CLIC5: variants seen among roughly 807,000 people sequenced by gnomAD.
CLIC5 encodes CLIC family member 5.
Under a neutral mutation model 24.7 loss-of-function variants are expected in CLIC5, and 20 were observed. That is an observed-to-expected ratio of 0.81 (90% CI 0.57 to 1.18). The LOEUF (loss-of-function observed/expected upper bound fraction) is 1.18, where lower values mean the gene tolerates loss of function less well. Ranked by LOEUF, CLIC5 falls within the 50% of genes most tolerant of loss-of-function variation. The pLI is 0.00. For synonymous variants in CLIC5, 159 were observed against 135.6 expected (o/e 1.17, Z -1.20); for missense variants, 341 against 326.1 (o/e 1.05, Z -0.35).
intron 6 of CLIC5, among the ~76,000 whole-genome samples, chr6:45,890,001 A>T (rs1292586838): frequency 6.6e-6 from 1 of 152,198 alleles, no homozygotes; most frequent in African/African-American, 2.4e-5. Flanking sequence ...GCTCTCCAAG[A>T]CACATTAAAG....
intron 1 of CLIC5, among the ~76,000 whole-genome samples, chr6:46,015,271 G>T (rs1011970180): frequency 1.3e-5 from 2 of 152,122 alleles, no homozygotes; most frequent in Non-Finnish European, 2.9e-5. Context: ...TCAACTCTCC[G>T]AGAAGACGGC....
At chr6:46,120,617 G>T in the CLIC5 span, among the ~76,000 whole-genome samples, 4 of 152,206 alleles carry the variant, frequency 2.6e-5, no homozygotes, top group African/African-American at 9.6e-5. Context: ...GAAGGCTTCA[G>T]ATGATCAAAC....
chr6:46,084,642 C>T (rs12213838), upstream of CLIC5, among the ~76,000 whole-genome samples: 21,036 of 152,170 alleles, frequency 0.14, 1,890 homozygotes, highest in South Asian at 0.34. Flanking sequence ...CCGAGAGATC[C>T]GCTGTTAGTC....
At chr6:46,055,132 C>T (rs970160255) in intron 1 of CLIC5, among the ~76,000 whole-genome samples, 3 of 152,110 alleles carry the variant, frequency 2.0e-5, no homozygotes, top group Admixed American at 6.6e-5. Flanking sequence ...GACAGAGTCT[C>T]GCTCTTGTCA....
At chr6:46,095,474 T>G in the CLIC5 span, among the ~76,000 whole-genome samples, 1 of 152,230 alleles carries the variant, frequency 6.6e-6, no homozygotes, top group Admixed American at 6.5e-5. Context: ...AGGTCACATC[T>G]TGAACATTTT....
chr6:46,122,108 C>A, the CLIC5 span, among the ~76,000 whole-genome samples: 7 of 152,210 alleles, frequency 4.6e-5, no homozygotes, highest in Non-Finnish European at 1.0e-4. Flanking sequence ...ACTCTCCACA[C>A]CAAATCAACA....
At chr6:46,008,257 A>G (rs953372064) in intron 1 of CLIC5, among the ~76,000 whole-genome samples, 6 of 152,036 alleles carry the variant, frequency 3.9e-5, no homozygotes, top group Non-Finnish European at 7.4e-5. Flanking sequence ...CTTGCTTCAG[A>G]CAACCCCGTG....
intron 6 of CLIC5, chr6:45,883,649 C>G (rs1388767262): frequency 6.6e-6 from 1 of 152,324 alleles, no homozygotes; most frequent in East Asian, 1.9e-4. Context: ...CAAGTGGCTT[C>G]TAATTATGGA....
the CLIC5 span, among the ~76,000 whole-genome samples, chr6:46,106,955 A>C: frequency 6.6e-6 from 1 of 152,250 alleles, no homozygotes; most frequent in Admixed American, 6.5e-5. Context: ...AGTCAAAGCT[A>C]TAAAGTCTTT....
intron 3 of CLIC5, among the ~76,000 whole-genome samples, chr6:45,943,040 G>C (rs748329727): frequency 6.6e-6 from 1 of 152,216 alleles, no homozygotes; most frequent in Non-Finnish European, 1.5e-5. Flanking sequence ...TGTGCAGCAG[G>C]CAGGCACTGT....
At chr6:45,981,594 C>T (rs1271123222) in intron 1 of CLIC5, among the ~76,000 whole-genome samples, 4 of 152,218 alleles carry the variant, frequency 2.6e-5, no homozygotes, top group African/African-American at 9.6e-5. Flanking sequence ...TTAGTTACCA[C>T]CTCTGTGGGG....
chr6:45,955,786 ATCCCATC>A (rs1444475356), intron 1 of CLIC5, among the ~76,000 whole-genome samples: 1 of 149,468 alleles, frequency 6.7e-6, no homozygotes, highest in Non-Finnish European at 1.5e-5. Context: ...TCAGACTTTG[ATCCCATC>A]TCCCTATATG....
chr6:46,052,018 G>T (rs932090780), intron 1 of CLIC5, among the ~76,000 whole-genome samples: 1 of 151,790 alleles, frequency 6.6e-6, no homozygotes, highest in African/African-American at 2.4e-5. Flanking sequence ...AGCAAACATT[G>T]TTAATGTCTA....
chr6:45,892,253 A>G (rs1256230033), intron 6 of CLIC5: 1 of 152,166 alleles, frequency 6.6e-6, no homozygotes, highest in Admixed American at 6.5e-5. Flanking sequence ...GAAAATAGAT[A>G]TGGTACAGGA....
At chr6:46,108,159 A>G in the CLIC5 span, among the ~76,000 whole-genome samples, 20,092 of 151,848 alleles carry the variant, frequency 0.13, 1,797 homozygotes, top group South Asian at 0.33. Flanking sequence ...AAGCTGATTG[A>G]GATTGCATGA....
intron 6 of CLIC5, chr6:45,883,814 TAA>T (rs1402273203): frequency 6.6e-6 from 1 of 152,214 alleles, no homozygotes; most frequent in Admixed American, 6.5e-5. Flanking sequence ...AGCAGGGGTA[TAA>T]ATATATATGT....
At chr6:46,091,114 C>T in the CLIC5 span, among the ~76,000 whole-genome samples, 7 of 152,152 alleles carry the variant, frequency 4.6e-5, no homozygotes, top group Admixed American at 3.3e-4. Context: ...CTTCTTTGAG[C>T]GATTAAGCTC....
chr6:45,961,687 T>TA (rs1183091100), intron 1 of CLIC5, among the ~76,000 whole-genome samples: 1 of 152,160 alleles, frequency 6.6e-6, no homozygotes, highest in Non-Finnish European at 1.5e-5. Context: ...ATCCTTCCAA[T>TA]AATTTGGTTG....
intron 4 of CLIC5, among the ~76,000 whole-genome samples, chr6:45,925,482 A>T (rs1002278338): frequency 2.0e-5 from 3 of 152,002 alleles, no homozygotes; most frequent in Non-Finnish European, 4.4e-5. Context: ...ACGCCTGGCT[A>T]ATTTTTGTAT....
Sources: gnomAD v4.1 joint callset for allele counts (sites outside exome capture counted in the v4.1 genomes callset) on GRCh38, gnomAD v4.1.1 for gene constraint, MANE v1.5 for transcripts, NCBI Gene and HGNC (gene_info 2026-07-23, HGNC 2026-07-21) for gene names.